Variants in DSCAM observed in about 807,000 individuals in gnomAD.
DSCAM encodes the protein cell adhesion molecule DSCAM.
Under a neutral mutation model 217.7 loss-of-function variants are expected in DSCAM, and 47 were observed. The observed-to-expected ratio is 0.22, with a 90% CI of 0.17 to 0.28. The LOEUF (loss-of-function observed/expected upper bound fraction) is 0.28. Ranked by LOEUF, DSCAM falls within the 10% of genes least tolerant of loss-of-function variation. The pLI, the probability that DSCAM is intolerant of heterozygous loss-of-function variation, is 1.00. For synonymous variants in DSCAM, 1,056 were observed against 1,015.3 expected, an observed-to-expected ratio of 1.04 and a Z score of -0.76; for missense variants, 2,080 against 2,618.3, an observed-to-expected ratio of 0.79 and a Z score of 4.49.
chr21:40,779,277 T>C (rs1342967918), intron 1 of DSCAM, among the ~76,000 whole-genome samples: 1 of 152,176 alleles, frequency 6.6e-6, no homozygotes, highest in Non-Finnish European at 1.5e-5. Context: ...TAGGATGTTA[T>C]TACCATAGCC....
chr21:40,598,754 C>G (rs968590455), intron 3 of DSCAM, among the ~76,000 whole-genome samples: 2 of 151,956 alleles, frequency 1.3e-5, no homozygotes, highest in Admixed American at 1.3e-4. Context: ...CTGCCCACCT[C>G]GGCCTCCCAA....
At chr21:40,299,827 G>C (rs1174027607) in intron 9 of DSCAM, among the ~76,000 whole-genome samples, 1 of 152,096 alleles carries the variant, frequency 6.6e-6, no homozygotes, top group Non-Finnish European at 1.5e-5. Context: ...AAAAAGTGCA[G>C]ATATTTTTTA....
intron 3 of DSCAM, among the ~76,000 whole-genome samples, chr21:40,528,475 T>C (rs1447626653): frequency 1.3e-5 from 2 of 152,218 alleles, no homozygotes; most frequent in African/African-American, 2.4e-5. Flanking sequence ...CTGAATTTTC[T>C]AGAACAGCAC....
rs2090305758 is a variant in DSCAM, at chr21:40,142,599, T to C, written c.3365A>G (p.Gln1122Arg). 1 of 1,614,170 alleles carries C rather than the reference T, an allele frequency of 6.2e-7. No homozygotes were observed. Among genetic ancestry groups the C allele is most frequent in the African/African-American group, 1.3e-5 (1 of 75,022 alleles). ...GGCCCAGTAAATGACTCTGAACCCC[T>C]GGAGAATTCCATTCAAGGCTTCCTT... ...LSKEALNGIL[Q>R]GFRVIYWANL... Residue 1122 changes from glutamine (Q) to arginine (R), a missense_variant, in exon 18 of 33, where the codon CAG (glutamine) becomes CGG (arginine). Transcript: ENST00000400454.
chr21:40,815,660 T>C (rs530568296), intron 1 of DSCAM, among the ~76,000 whole-genome samples: 6 of 152,336 alleles, frequency 3.9e-5, no homozygotes, highest in Non-Finnish European at 7.4e-5. Flanking sequence ...TCCTAAGTTA[T>C]GGCCGTTTGC....
At position 40,235,640 on chromosome 21, in the gene DSCAM, C is replaced by T. The variant is rs938299176; in HGVS notation, c.2356+40457G>A. On this transcript the variant is annotated intron_variant, in intron 11 of 32. Coordinates refer to ENST00000400454, the MANE Select transcript of DSCAM (RefSeq NM_001389.5). ...CCTTCCATTCAAAATGTATCTTCTC[C>T]ACCCCTTAGGATCACCTGATTCGAC... 5.6e-4 allele frequency among the ~76,000 whole-genome samples: 85 copies of T among 152,208 alleles called. 1 individual carries two copies. The highest frequency in any genetic ancestry group is 2.0e-3 in the African/African-American group (82 of 41,544).
chr21:40,623,187 G>T (rs2089545887), intron 3 of DSCAM, among the ~76,000 whole-genome samples: 1 of 152,052 alleles, frequency 6.6e-6, no homozygotes, highest in Non-Finnish European at 1.5e-5. Context: ...ATCTGAAGCG[G>T]GGCCCTGGCT....
intron 19 of DSCAM, among the ~76,000 whole-genome samples, chr21:40,130,720 A>G (rs1172576290): frequency 6.6e-6 from 1 of 152,256 alleles, no homozygotes; most frequent in East Asian, 1.9e-4. Context: ...TATGAGCCCA[A>G]GAATCTTTAG....
chr21:40,262,575 T>C (rs1270772078), intron 11 of DSCAM, among the ~76,000 whole-genome samples: 2 of 152,220 alleles, frequency 1.3e-5, no homozygotes, highest in South Asian at 2.1e-4. Context: ...TCCTACTTAC[T>C]TGAACCTTCC....
At chr21:40,015,153 T>C (rs1033090171) in intron 32 of DSCAM, among the ~76,000 whole-genome samples, 2 of 152,194 alleles carry the variant, frequency 1.3e-5, no homozygotes, top group Non-Finnish European at 2.9e-5. Context: ...TCCATTTTGC[T>C]CTTTCTCCTG....
intron 3 of DSCAM, among the ~76,000 whole-genome samples, chr21:40,558,457 A>C (rs185266392): frequency 6.6e-6 from 1 of 151,722 alleles, no homozygotes; most frequent in East Asian, 1.9e-4. Context: ...CAAAAAGAAA[A>C]AAAAAAAAAT....
chr21:40,300,519 A>G (rs2123459603), intron 9 of DSCAM, among the ~76,000 whole-genome samples: 1 of 152,316 alleles, frequency 6.6e-6, no homozygotes, highest in East Asian at 1.9e-4. Flanking sequence ...TTGCCAGGAC[A>G]CTGCACTAAG....
At chr21:40,375,910 T>C (rs1470770333) in intron 3 of DSCAM, among the ~76,000 whole-genome samples, 1 of 152,240 alleles carries the variant, frequency 6.6e-6, no homozygotes, top group Non-Finnish European at 1.5e-5. Context: ...GAGATGAATA[T>C]ATTCTTATAT....
At chr21:40,174,257 T>G (rs2090695642) in intron 15 of DSCAM, among the ~76,000 whole-genome samples, 1 of 152,052 alleles carries the variant, frequency 6.6e-6, no homozygotes, top group Non-Finnish European at 1.5e-5. Context: ...TGAGGTCGAG[T>G]GTATTAAAGT....
At chr21:40,558,692 TAC>T (rs1176672783) in intron 3 of DSCAM, among the ~76,000 whole-genome samples, 1 of 152,220 alleles carries the variant, frequency 6.6e-6, no homozygotes, top group Non-Finnish European at 1.5e-5. Flanking sequence ...TTTTCTTTTT[TAC>T]ACTTATTTTC....
intron 3 of DSCAM, among the ~76,000 whole-genome samples, chr21:40,646,410 C>CAA (rs112111569): frequency 8.5e-5 from 11 of 129,074 alleles, no homozygotes; most frequent in African/African-American, 1.5e-4. Flanking sequence ...GAGACTCTGT[C>CAA]AAAAAAAAAA....
chr21:40,345,470 T>C (rs913555952), intron 6 of DSCAM, among the ~76,000 whole-genome samples: 4 of 152,200 alleles, frequency 2.6e-5, no homozygotes, highest in African/African-American at 9.6e-5. Context: ...TAGGCTGATA[T>C]ATGCTATTTT....
chr21:40,527,147 C>T (rs992006579), intron 3 of DSCAM, among the ~76,000 whole-genome samples: 3 of 152,122 alleles, frequency 2.0e-5, no homozygotes, highest in African/African-American at 7.2e-5. Flanking sequence ...TATGGACATA[C>T]AGGTGAAGCT....
At chr21:40,764,115 G>C (rs1261720831) in intron 1 of DSCAM, among the ~76,000 whole-genome samples, 1 of 152,112 alleles carries the variant, frequency 6.6e-6, no homozygotes, top group African/African-American at 2.4e-5. Flanking sequence ...TAACTAAAGA[G>C]CTTCAGCTCA....
Sources: allele counts gnomAD v4.1 joint callset (sites outside exome capture counted in the v4.1 genomes callset), GRCh38; gene constraint gnomAD v4.1.1; transcripts MANE v1.5; gene names NCBI Gene and HGNC (gene_info 2026-07-23, HGNC 2026-07-21).